Variants in ZC3H12B observed in about 807,000 individuals in gnomAD.
The protein encoded by ZC3H12B is probable ribonuclease ZC3H12B.
Under a neutral mutation model 43.9 loss-of-function variants are expected in ZC3H12B, and 7 were observed. The observed-to-expected ratio is 0.16, with a 90% CI of 0.09 to 0.30. ZC3H12B has a LOEUF of 0.30. Among genes scored for constraint, ZC3H12B ranks in the 10% least tolerant of loss-of-function variants. The probability of loss-of-function intolerance (pLI) is 1.00; values close to 1 mark genes in which losing one functional copy is unlikely to be tolerated. For synonymous variants in ZC3H12B, 222 were observed against 241.7 expected, an observed-to-expected ratio of 0.92 and a Z score of 0.76; for missense variants, 475 against 670.2, an observed-to-expected ratio of 0.71 and a Z score of 3.22.
upstream of ZC3H12B, among the ~76,000 whole-genome samples, chrX:65,486,860 C>G (rs1424325244): frequency 8.9e-6 from 1 of 112,396 alleles, no homozygotes; most frequent in Non-Finnish European, 1.9e-5. Flanking sequence ...TTATCTTTTA[C>G]AGGTACCTCC....
chrX:65,277,464 G>A, the ZC3H12B span, among the ~76,000 whole-genome samples: 1 of 111,581 alleles, frequency 9.0e-6, no homozygotes. Flanking sequence ...CCATATGTTA[G>A]GACAGAGACA....
At chrX:65,486,532 G>C (rs186506648), upstream of ZC3H12B, among the ~76,000 whole-genome samples, 6 of 112,233 alleles carry the variant, frequency 5.3e-5, no homozygotes, top group Non-Finnish European at 1.1e-4. Flanking sequence ...CACTTACACA[G>C]GTTTTAGGAA....
chrX:65,144,992 C>T, the ZC3H12B span, among the ~76,000 whole-genome samples: 1 of 111,600 alleles, frequency 9.0e-6, no homozygotes, highest in Non-Finnish European at 1.9e-5. Flanking sequence ...TCCATTTGTT[C>T]CAGAGTATAG....
the ZC3H12B span, among the ~76,000 whole-genome samples, chrX:65,342,673 T>G: frequency 1.0e-4 from 11 of 110,519 alleles, no homozygotes; most frequent in Non-Finnish European, 3.8e-5. Context: ...AGAGGAAAAT[T>G]TATAGCACTA....
chrX:65,095,238 A>G, the ZC3H12B span, among the ~76,000 whole-genome samples: 2 of 111,977 alleles, frequency 1.8e-5, no homozygotes, highest in Non-Finnish European at 3.8e-5. Flanking sequence ...GGATCAATAC[A>G]GATGACCAAA....
chrX:65,448,899 G>A (rs111900569), intron 3 of ZC3H12B, among the ~76,000 whole-genome samples: 2 of 81,608 alleles, frequency 2.5e-5, no homozygotes, highest in African/African-American at 1.5e-4. Context: ...GAAAGAAAGA[G>A]AGAGAGAAAG....
At chrX:65,289,089 A>T in the ZC3H12B span, among the ~76,000 whole-genome samples, 6 of 111,418 alleles carry the variant, frequency 5.4e-5, no homozygotes, top group Admixed American at 5.8e-4. Context: ...AAGAAACTGA[A>T]TATGACATAA....
At chrX:65,109,623 C>A in the ZC3H12B span, among the ~76,000 whole-genome samples, 1 of 111,672 alleles carries the variant, frequency 9.0e-6, no homozygotes, top group African/African-American at 3.2e-5. Context: ...TTGTTTCTAT[C>A]TTTTGGTTGT....
chrX:65,126,764 C>T, the ZC3H12B span, among the ~76,000 whole-genome samples: 1 of 101,737 alleles, frequency 9.8e-6, no homozygotes, highest in Non-Finnish European at 2.0e-5. Context: ...GGAGCTCTTT[C>T]TTCTGCTTGT....
At chrX:65,358,048 T>C in the ZC3H12B span, among the ~76,000 whole-genome samples, 91 of 108,126 alleles carry the variant, frequency 8.4e-4, no homozygotes, top group African/African-American at 3.0e-3. Flanking sequence ...CTTGCAATCC[T>C]AGTCTCTGAT....
the ZC3H12B span, among the ~76,000 whole-genome samples, chrX:65,121,493 G>T: frequency 9.0e-6 from 1 of 111,371 alleles, no homozygotes; most frequent in African/African-American, 3.3e-5. Flanking sequence ...GATCGGTGGT[G>T]ATATCCACTT....
intron 3 of ZC3H12B, among the ~76,000 whole-genome samples, chrX:65,426,392 CAAAAAAAAAAAAA>C (rs58910748): frequency 4.7e-5 from 2 of 42,203 alleles, no homozygotes; most frequent in Non-Finnish European, 9.5e-5. Context: ...TAATTATTTC[CAAAAAAAAAAAAA>C]AAAAAAAAAA....
At chrX:65,212,407 T>C in the ZC3H12B span, among the ~76,000 whole-genome samples, 1 of 59,095 alleles carries the variant, frequency 1.7e-5, no homozygotes, top group African/African-American at 7.3e-5. Flanking sequence ...TATTTATATT[T>C]ATATTATATA....
the ZC3H12B span, among the ~76,000 whole-genome samples, chrX:65,283,221 A>T: frequency 9.0e-6 from 1 of 111,663 alleles, no homozygotes; most frequent in Non-Finnish European, 1.9e-5. Context: ...AAAGACAAAA[A>T]CCACGGGATT....
At chrX:65,151,839 A>T in the ZC3H12B span, among the ~76,000 whole-genome samples, 3 of 111,775 alleles carry the variant, frequency 2.7e-5, no homozygotes, top group African/African-American at 9.8e-5. Context: ...TCAATAAAAT[A>T]CTGGCAAACT....
the ZC3H12B span, among the ~76,000 whole-genome samples, chrX:65,060,410 A>G: frequency 1.8e-5 from 2 of 111,937 alleles, no homozygotes; most frequent in Non-Finnish European, 3.8e-5. Flanking sequence ...TCAACATGAA[A>G]CGATGTTGAA....
the ZC3H12B span, among the ~76,000 whole-genome samples, chrX:65,158,507 T>C: frequency 1.8e-5 from 2 of 112,297 alleles, no homozygotes; most frequent in East Asian, 5.6e-4. Flanking sequence ...TTGATTTGCA[T>C]TTCTCTGATG....
At chrX:65,152,277 A>T in the ZC3H12B span, among the ~76,000 whole-genome samples, 1 of 111,793 alleles carries the variant, frequency 8.9e-6, no homozygotes, top group Non-Finnish European at 1.9e-5. Context: ...AACTAGGAAA[A>T]GAGGAAGTCA....
chrX:65,483,302 G>A (rs767760094), intron 3 of ZC3H12B, among the ~76,000 whole-genome samples: 49 of 111,578 alleles, frequency 4.4e-4, no homozygotes, highest in African/African-American at 1.0e-3. Flanking sequence ...AAACAGATGG[G>A]TATAGTTGGA....
Sources: gnomAD v4.1 joint callset for allele counts (sites outside exome capture counted in the v4.1 genomes callset) on GRCh38, gnomAD v4.1.1 for gene constraint, MANE v1.5 for transcripts, NCBI Gene and HGNC (gene_info 2026-07-23, HGNC 2026-07-21) for gene names.